The following GPATCH2 variants were observed in gnomAD, a reference collection of about 807,000 sequenced individuals.
GPATCH2 encodes the protein G patch domain-containing protein 2.
GPATCH2 carries 51 observed loss-of-function variants against 58.0 expected under a neutral mutation model. The observed-to-expected ratio is 0.88, with a 90% confidence interval of 0.70 to 1.11. The LOEUF (loss-of-function observed/expected upper bound fraction) is 1.11. Ranked by LOEUF, GPATCH2 falls within the 50% of genes most tolerant of loss-of-function variation. The probability of loss-of-function intolerance (pLI) is 0.00; values close to 1 mark genes in which losing one functional copy is unlikely to be tolerated. For synonymous variants in GPATCH2, 222 were observed against 218.5 expected (o/e 1.02, Z -0.14); for missense variants, 625 against 652.2 (o/e 0.96, Z 0.45).
At chr1:217,460,410 G>T (rs1660151756) in intron 8 of GPATCH2, among the ~76,000 whole-genome samples, 1 of 152,168 alleles carries the variant, frequency 6.6e-6, no homozygotes, top group African/African-American at 2.4e-5. Context: ...AAATAAAAAA[G>T]ATACGATGTT....
intron 5 of GPATCH2, among the ~76,000 whole-genome samples, chr1:217,563,017 C>G (rs775120753): frequency 6.6e-6 from 1 of 152,108 alleles, no homozygotes; most frequent in African/African-American, 2.4e-5. Flanking sequence ...TGCTAAGTTG[C>G]TATGGGGTTT....
intron 8 of GPATCH2, among the ~76,000 whole-genome samples, chr1:217,460,222 A>G (rs1002629186): frequency 6.6e-6 from 1 of 152,184 alleles, no homozygotes; most frequent in Non-Finnish European, 1.5e-5. Context: ...CCATGAACAG[A>G]AAGTTAAGTT....
At chr1:217,442,966 G>A (rs1659215151) in intron 9 of GPATCH2, among the ~76,000 whole-genome samples, 1 of 151,948 alleles carries the variant, frequency 6.6e-6, no homozygotes, top group South Asian at 2.1e-4. Context: ...AAGACTATAT[G>A]CAATATTTCT....
At chr1:217,476,355 C>A (rs1431362367) in intron 8 of GPATCH2, among the ~76,000 whole-genome samples, 3 of 151,460 alleles carry the variant, frequency 2.0e-5, no homozygotes, top group Non-Finnish European at 4.4e-5. Context: ...CAATTGCCAC[C>A]CCCTCCAGGA....
intron 8 of GPATCH2, among the ~76,000 whole-genome samples, chr1:217,459,837 T>C (rs1432404513): frequency 6.6e-6 from 1 of 152,156 alleles, no homozygotes; most frequent in Non-Finnish European, 1.5e-5. Context: ...TATCTGGATA[T>C]GTTTGTTGAA....
chr1:217,582,747 C>A (rs918123202), intron 5 of GPATCH2, among the ~76,000 whole-genome samples: 2 of 152,148 alleles, frequency 1.3e-5, no homozygotes, highest in African/African-American at 4.8e-5. Flanking sequence ...ATAAAACTAG[C>A]CAGCAGGTCA....
At chr1:217,447,086 C>T (rs1199022239) in intron 9 of GPATCH2, among the ~76,000 whole-genome samples, 1 of 152,124 alleles carries the variant, frequency 6.6e-6, no homozygotes, top group Non-Finnish European at 1.5e-5. Flanking sequence ...AACTGGAATG[C>T]AGATGTTAAA....
chr1:217,539,445 G>A (rs192302576), intron 5 of GPATCH2, among the ~76,000 whole-genome samples: 377 of 152,250 alleles, frequency 2.5e-3, no homozygotes, highest in Non-Finnish European at 4.1e-3. Flanking sequence ...CCCTGGTACT[G>A]TACAATGGCA....
At chr1:217,532,886 GTT>G (rs57815648) in intron 5 of GPATCH2, among the ~76,000 whole-genome samples, 228 of 130,224 alleles carry the variant, frequency 1.8e-3, no homozygotes, top group African/African-American at 3.4e-3. Flanking sequence ...TCTTTTTTTT[GTT>G]TTTTTTTTTT....
chr1:217,626,662 A>C (rs1195864307), intron 1 of GPATCH2, among the ~76,000 whole-genome samples: 1 of 152,172 alleles, frequency 6.6e-6, no homozygotes, highest in Non-Finnish European at 1.5e-5. Context: ...AATATTATTC[A>C]TCAAATAAGT....
chr1:217,548,779 C>T (rs959032180), intron 5 of GPATCH2, among the ~76,000 whole-genome samples: 7 of 152,092 alleles, frequency 4.6e-5, no homozygotes, highest in Non-Finnish European at 8.8e-5. Flanking sequence ...TCTGGCATTT[C>T]CCCTGCTGGC....
chr1:217,443,704 T>C (rs1400795155), intron 9 of GPATCH2, among the ~76,000 whole-genome samples: 2 of 152,160 alleles, frequency 1.3e-5, no homozygotes, highest in African/African-American at 4.8e-5. Flanking sequence ...TTTTCAATCA[T>C]TTTATCTCTC....
intron 9 of GPATCH2, among the ~76,000 whole-genome samples, chr1:217,436,601 A>AAT (rs1374509801): frequency 6.6e-6 from 1 of 152,220 alleles, no homozygotes; most frequent in African/African-American, 2.4e-5. Context: ...GTATATGAAC[A>AAT]ATATATCGCA....
At chr1:217,484,923 A>G (rs1661391173) in intron 8 of GPATCH2, among the ~76,000 whole-genome samples, 1 of 151,978 alleles carries the variant, frequency 6.6e-6, no homozygotes. Context: ...TTGAGGTTTT[A>G]TATGTTTAGG....
chr1:217,434,261 T>C (rs1021652378), intron 9 of GPATCH2, among the ~76,000 whole-genome samples: 4 of 152,322 alleles, frequency 2.6e-5, no homozygotes, highest in Non-Finnish European at 5.9e-5. Context: ...TATAAATATA[T>C]GTGTGAATGT....
chr1:217,454,915 A>C (rs1276415359), intron 8 of GPATCH2, among the ~76,000 whole-genome samples: 4 of 152,028 alleles, frequency 2.6e-5, no homozygotes, highest in Admixed American at 2.6e-4. Flanking sequence ...ATTACAGGCC[A>C]CTGCACCCCA....
intron 5 of GPATCH2, among the ~76,000 whole-genome samples, chr1:217,574,739 G>C (rs1666729343): frequency 6.6e-6 from 1 of 152,080 alleles, no homozygotes; most frequent in Non-Finnish European, 1.5e-5. Flanking sequence ...CAAAGGTACA[G>C]AGATTAAGTA....
intron 8 of GPATCH2, among the ~76,000 whole-genome samples, chr1:217,460,018 A>AC (rs1660131906): frequency 6.6e-6 from 1 of 151,996 alleles, no homozygotes; most frequent in Non-Finnish European, 1.5e-5. Flanking sequence ...ATTTAATTTT[A>AC]TTTTTCCATT....
At chr1:217,622,669 G>A (rs538760406) in intron 1 of GPATCH2, among the ~76,000 whole-genome samples, 9 of 152,252 alleles carry the variant, frequency 5.9e-5, no homozygotes, top group East Asian at 3.9e-4. Context: ...TTAACCTCCC[G>A]AGTAGCTGGG....
Sources: allele counts gnomAD v4.1 joint callset (sites outside exome capture counted in the v4.1 genomes callset), GRCh38; gene constraint gnomAD v4.1.1; transcripts MANE v1.5; gene names NCBI Gene and HGNC (gene_info 2026-07-23, HGNC 2026-07-21).